Variants in CNTNAP2 observed in about 807,000 individuals in gnomAD.
CNTNAP2 encodes contactin-associated protein-like 2.
In CNTNAP2, 98 loss-of-function variants were observed where a neutral mutation model predicts 155.2. The observed-to-expected ratio is 0.63, with a 90% CI of 0.54 to 0.75. The LOEUF (loss-of-function observed/expected upper bound fraction) is 0.75. CNTNAP2 is among the 30% of genes least tolerant of loss of function. CNTNAP2 has a pLI of 0.00. For missense variants in CNTNAP2, 1,727 were observed against 1,688.1 expected (o/e 1.02, Z -0.40); for synonymous variants, 651 against 631.2 (o/e 1.03, Z -0.47).
chr7:146,458,536 T>A (rs1002868103), intron 1 of CNTNAP2, among the ~76,000 whole-genome samples: 2 of 152,166 alleles, frequency 1.3e-5, no homozygotes, highest in Admixed American at 6.5e-5. Flanking sequence ...GTGGTACAAT[T>A]TTTGTGGAAC....
intron 14 of CNTNAP2, among the ~76,000 whole-genome samples, chr7:147,970,535 C>A (rs1376440930): frequency 6.6e-6 from 1 of 151,862 alleles, no homozygotes; most frequent in Non-Finnish European, 1.5e-5. Flanking sequence ...ATCAACCTGG[C>A]CAACATGGTG....
intron 8 of CNTNAP2, among the ~76,000 whole-genome samples, chr7:147,238,075 C>A (rs1004805067): frequency 3.9e-5 from 6 of 152,136 alleles, no homozygotes; most frequent in African/African-American, 1.4e-4. Context: ...AGTGCAGTGG[C>A]GCGATCTCGG....
intron 13 of CNTNAP2, among the ~76,000 whole-genome samples, chr7:147,739,784 A>G (rs1039337885): frequency 2.6e-5 from 4 of 152,098 alleles, no homozygotes; most frequent in South Asian, 2.1e-4. Context: ...AATATCATCA[A>G]TGAAATATAT....
intron 8 of CNTNAP2, among the ~76,000 whole-genome samples, chr7:147,177,598 T>C (rs1802375688): frequency 6.6e-6 from 1 of 152,214 alleles, no homozygotes; most frequent in Admixed American, 6.5e-5. Flanking sequence ...ATACATACTC[T>C]TCTTCTAACA....
intron 10 of CNTNAP2, among the ~76,000 whole-genome samples, chr7:147,481,854 G>A (rs999368680): frequency 2.0e-5 from 3 of 152,154 alleles, no homozygotes; most frequent in Non-Finnish European, 4.4e-5. Flanking sequence ...AAACTTTCAA[G>A]CTAGGACTTG....
chr7:147,510,986 G>A lies in CNTNAP2; in HGVS notation c.1777+24945G>A, dbSNP rs556531809. ...TTTTTGCTTTGTTTCCTCTAAATCA[G>A]TGATTCTTAAATTATATTTTATTTG... is the stretch of plus-strand genomic sequence containing the variant. On this transcript the variant is annotated intron_variant, in intron 11 of 23. Coordinates refer to ENST00000361727, the MANE Select transcript of CNTNAP2 (RefSeq NM_014141.6). 1.1e-4 allele frequency among the ~76,000 whole-genome samples: 16 copies of A among 150,750 alleles called. No individual in the cohort carries two copies. In the South Asian group the frequency reaches 3.4e-3, roughly 32 times the overall value.
intron 1 of CNTNAP2, among the ~76,000 whole-genome samples, chr7:146,211,155 T>G (rs1799028484): frequency 6.6e-6 from 1 of 152,196 alleles, no homozygotes; most frequent in South Asian, 2.1e-4. Context: ...TGCATTAATT[T>G]CATTCCAAAA....
intron 9 of CNTNAP2, among the ~76,000 whole-genome samples, chr7:147,312,012 A>C (rs558349050): frequency 6.6e-6 from 1 of 152,172 alleles, no homozygotes; most frequent in Non-Finnish European, 1.5e-5. Context: ...TAAAAAGTTA[A>C]GTTCTTTCTG....
chr7:147,836,512 A>T (rs1375379982), intron 13 of CNTNAP2, among the ~76,000 whole-genome samples: 1 of 152,196 alleles, frequency 6.6e-6, no homozygotes, highest in African/African-American at 2.4e-5. Flanking sequence ...CTCTACGGGA[A>T]GCCCTCCTGC....
chr7:146,222,258 T>G (rs1486345895), intron 1 of CNTNAP2, among the ~76,000 whole-genome samples: 1 of 152,160 alleles, frequency 6.6e-6, no homozygotes, highest in East Asian at 1.9e-4. Context: ...ATCCACAGGC[T>G]GACAAGAGAA....
At chr7:146,996,599 A>G (rs1425334872) in intron 3 of CNTNAP2, among the ~76,000 whole-genome samples, 2 of 152,088 alleles carry the variant, frequency 1.3e-5, no homozygotes, top group Non-Finnish European at 2.9e-5. Context: ...GTTAGTTCCG[A>G]CAACTTTTGG....
intron 3 of CNTNAP2, among the ~76,000 whole-genome samples, chr7:147,008,917 G>A (rs1309680912): frequency 6.6e-6 from 1 of 150,976 alleles, no homozygotes; most frequent in Admixed American, 6.6e-5. Context: ...TGTTTTGTGT[G>A]TTCAGGTAGA....
chr7:148,363,198 G>A (rs1398828293), intron 21 of CNTNAP2, among the ~76,000 whole-genome samples: 1 of 152,106 alleles, frequency 6.6e-6, no homozygotes, highest in East Asian at 1.9e-4. Flanking sequence ...GGCCTGGCTG[G>A]TCTCAAACTC....
chr7:148,038,145 T>C (rs571840110), intron 15 of CNTNAP2, among the ~76,000 whole-genome samples: 102 of 152,354 alleles, frequency 6.7e-4, no homozygotes, highest in Admixed American at 1.6e-3. Flanking sequence ...TCAAAACCTT[T>C]CCATATCTTC....
rs1429346549 is a variant in CNTNAP2, at chr7:147,568,931, A to G, written c.1897+6674A>G. Among the ~76,000 whole-genome samples, 4 of 151,894 alleles carry G rather than the reference A, an allele frequency of 2.6e-5. No individual in the cohort carries two copies. In the East Asian group the frequency reaches 7.7e-4, roughly 29 times the overall value. ...ATTTTTCTTCATCTTCTATCCTCTA[A>G]CTCATTTTCTCCATAACTCCCTTTG... On this transcript the variant is annotated intron_variant, in intron 12 of 23. Transcript: ENST00000361727.
At chr7:147,134,682 T>G (rs1801443591) in intron 8 of CNTNAP2, among the ~76,000 whole-genome samples, 1 of 151,972 alleles carries the variant, frequency 6.6e-6, no homozygotes, top group South Asian at 2.1e-4. Context: ...TTCCTCTGTC[T>G]TTTAATGTAT....
At chr7:146,214,172 A>G (rs969585159) in intron 1 of CNTNAP2, among the ~76,000 whole-genome samples, 1 of 152,236 alleles carries the variant, frequency 6.6e-6, no homozygotes, top group African/African-American at 2.4e-5. Flanking sequence ...CATATTCTTT[A>G]AAACTCAGAC....
At chr7:147,607,183 C>A (rs1017765249) in intron 12 of CNTNAP2, among the ~76,000 whole-genome samples, 11 of 152,178 alleles carry the variant, frequency 7.2e-5, no homozygotes, top group Non-Finnish European at 1.5e-4. Flanking sequence ...TTAAATACTT[C>A]CAGGGACTGA....
intron 8 of CNTNAP2, among the ~76,000 whole-genome samples, chr7:147,216,126 CTGTG>C (rs1180234610): frequency 7.2e-6 from 1 of 139,498 alleles, no homozygotes; most frequent in Non-Finnish European, 1.6e-5. Context: ...AGTTCCCAGT[CTGTG>C]TTTTTTTTTT....
Sources: allele counts gnomAD v4.1 joint callset (sites outside exome capture counted in the v4.1 genomes callset), GRCh38; gene constraint gnomAD v4.1.1; transcripts MANE v1.5; gene names NCBI Gene and HGNC (gene_info 2026-07-23, HGNC 2026-07-21).